Variants in BDKRB2 observed in about 807,000 individuals in gnomAD.
BDKRB2 encodes the protein bradykinin receptor B2, also known as B2 bradykinin receptor.
BDKRB2 carries 6 observed loss-of-function variants against 4.0 expected under a neutral mutation model. That is an observed-to-expected ratio of 1.49 (90% CI 0.81 to 2.93). The LOEUF (loss-of-function observed/expected upper bound fraction) is 2.93. BDKRB2 is among the 30% of genes most tolerant of loss of function. The pLI is 0.00. For synonymous variants in BDKRB2, 225 were observed against 215.3 expected, an observed-to-expected ratio of 1.05 and a Z score of -0.40; for missense variants, 478 against 520.1, an observed-to-expected ratio of 0.92 and a Z score of 0.79.
intron 1 of BDKRB2, among the ~76,000 whole-genome samples, chr14:96,229,775 A>T (rs1890775345): frequency 6.6e-6 from 1 of 152,182 alleles, no homozygotes. Flanking sequence ...GTCCTTGGAG[A>T]TCAGGGAGTA....
chr14:96,214,197 A>G (rs1476407551), intron 1 of BDKRB2, among the ~76,000 whole-genome samples: 1 of 152,174 alleles, frequency 6.6e-6, no homozygotes, highest in Non-Finnish European at 1.5e-5. Flanking sequence ...CATGAGGATG[A>G]GTACAGCCGC....
At chr14:96,233,662 G>A (rs889359724) in intron 1 of BDKRB2, 1 of 152,200 alleles carries the variant, frequency 6.6e-6, no homozygotes, top group Non-Finnish European at 1.5e-5. Context: ...ATGAGGCACA[G>A]TTGGCCCTTG....
At chr14:96,220,235 C>T (rs1890526399) in intron 1 of BDKRB2, among the ~76,000 whole-genome samples, 1 of 151,826 alleles carries the variant, frequency 6.6e-6, no homozygotes, top group Non-Finnish European at 1.5e-5. Context: ...GTTGTGTGGT[C>T]CTGGGCAAGT....
intron 1 of BDKRB2, among the ~76,000 whole-genome samples, chr14:96,213,787 C>A (rs1426179285): frequency 6.6e-6 from 1 of 152,062 alleles, no homozygotes; most frequent in Non-Finnish European, 1.5e-5. Context: ...AAGTATCCCC[C>A]CCGACAAACC....
intron 1 of BDKRB2, among the ~76,000 whole-genome samples, chr14:96,208,267 G>C (rs1293853980): frequency 6.6e-6 from 1 of 152,158 alleles, no homozygotes. Flanking sequence ...TTGTTTTCTA[G>C]AACAAACGTA....
rs199882421 is a variant in BDKRB2, at chr14:96,240,727, G to A, written c.399G>A (p.Val133=). The stretch of plus-strand genomic sequence containing the variant: ...TTGGGGAGACGCTCTGCCGCGTGGT[G>A]AATGCCATTATCTCCATGAACCTGT... ...WLFGETLCRV[V]NAIISMNLYS... is the part of the protein sequence containing the mutation. Residue 133 remains valine (V), a synonymous_variant, in exon 3 of 3, where the codon GTG becomes GTA. Coordinates refer to ENST00000554311, the MANE Select transcript of BDKRB2 (RefSeq NM_001379692.1). The A allele has an allele frequency of 1.9e-6, 3 of 1,599,766 alleles. No individual in the cohort carries two copies. The highest frequency in any genetic ancestry group is 1.7e-5 in the Admixed American group (1 of 58,094).
intron 1 of BDKRB2, among the ~76,000 whole-genome samples, chr14:96,219,967 C>T (rs910873874): frequency 6.6e-6 from 1 of 151,940 alleles, no homozygotes; most frequent in African/African-American, 2.4e-5. Context: ...AAGCCTAGAG[C>T]CAATTGCAGT....
intron 1 of BDKRB2, among the ~76,000 whole-genome samples, chr14:96,213,495 AACACACACACACAC>A (rs66460667): frequency 5.5e-5 from 8 of 146,754 alleles, no homozygotes; most frequent in East Asian, 2.1e-4. Context: ...GACCGACCCA[AACACACACACACAC>A]ACACACACAC....
intron 1 of BDKRB2, among the ~76,000 whole-genome samples, chr14:96,215,890 G>C (rs11851152): frequency 0.3 from 45,677 of 152,074 alleles, 7,575 homozygotes; most frequent in Non-Finnish European, 0.39. Flanking sequence ...AGGAAACTGA[G>C]ACTCAGAGAG....
Position 96,240,616 on chromosome 14 carries a change from G to C in BDKRB2, c.288G>C (p.Leu96=), listed in dbSNP as rs762749723. Residue 96 remains leucine (L), a synonymous_variant, in exon 3 of 3, where the codon CTG becomes CTC. Transcript: ENST00000554311. ...GCTGCACGGTGGCAGAGATCTACCT[G>C]GGGAACCTGGCCGCAGCAGACCTGA... ...KSSCTVAEIY[L]GNLAAADLIL... 6.5e-7 allele frequency: 1 copy of C among 1,549,240 alleles called. No individual in the cohort carries two copies. Among genetic ancestry groups the C allele is most frequent in the East Asian group, 2.3e-5 (1 of 44,370 alleles).
intron 1 of BDKRB2, among the ~76,000 whole-genome samples, chr14:96,211,306 C>T (rs568316330): frequency 2.0e-5 from 3 of 152,318 alleles, no homozygotes; most frequent in South Asian, 4.1e-4. Flanking sequence ...CCCGGAGCCT[C>T]GGAGATTGCA....
Position 96,241,768 on chromosome 14 carries a change from AG to A in BDKRB2, c.*265del. ...TCTTATTTGCTGCCACACCTGAGCC[AG>A]CCTGCTCCTTCCCAGGAGTGGAGGA... is the stretch of plus-strand genomic sequence containing the variant. On this transcript the variant is annotated 3_prime_UTR_variant, in exon 3 of 3. Coordinates refer to ENST00000554311, the MANE Select transcript of BDKRB2 (RefSeq NM_001379692.1). 2.7e-5 allele frequency: 10 copies of A among 364,522 alleles called. No individual in the cohort carries two copies. The highest frequency in any genetic ancestry group is 9.9e-5 in the South Asian group (1 of 10,078). The allele number at this position is 364,522 out of a possible 1,614,324, so 22.6% of individuals were successfully genotyped here. A position where few individuals can be genotyped will look rare whatever the true frequency, so the allele number is the denominator to read the frequency against.
chr14:96,227,878 G>C (rs903197806), intron 1 of BDKRB2, among the ~76,000 whole-genome samples: 11 of 152,200 alleles, frequency 7.2e-5, no homozygotes, highest in Non-Finnish European at 1.6e-4. Context: ...CAGAGCCCTG[G>C]GGGAGAGAAG....
rs1376096648 is a variant in BDKRB2 at position 96,242,310 on chromosome 14, C to T, written c.*806C>T. ...GGGGAGACCAAGGTTCCAGCTCAAC[C>T]AATAACTATTGCACAACCATCTGTC... On this transcript the variant is annotated 3_prime_UTR_variant, in exon 3 of 3. Coordinates refer to ENST00000554311, the MANE Select transcript of BDKRB2 (RefSeq NM_001379692.1). The T allele has an allele frequency of 6.6e-6, 1 of 152,216 alleles. No individual in the cohort carries two copies. The allele number at this position is 152,216 out of a possible 1,614,324, so 9.4% of individuals were successfully genotyped here. A position where few individuals can be genotyped will look rare whatever the true frequency, so the allele number is the denominator to read the frequency against.
intron 1 of BDKRB2, among the ~76,000 whole-genome samples, chr14:96,225,841 A>G (rs1595256113): frequency 1.3e-5 from 2 of 152,116 alleles, no homozygotes; most frequent in East Asian, 3.9e-4. Flanking sequence ...GTCACAGCCC[A>G]GGTTTGCACG....
chr14:96,244,087 C>A lies in BDKRB2; in HGVS notation c.*2583C>A, dbSNP rs963933344. 5 of 398,066 alleles carry A rather than the reference C, an allele frequency of 1.3e-5. No individual in the cohort carries two copies. Among genetic ancestry groups the A allele is most frequent in the African/African-American group, 1.0e-4 (5 of 48,628 alleles). The allele number at this position is 398,066 out of a possible 1,614,324, so 24.7% of individuals were successfully genotyped here. A position where few individuals can be genotyped will look rare whatever the true frequency, so the allele number is the denominator to read the frequency against. On this transcript the variant is annotated 3_prime_UTR_variant, in exon 3 of 3. Transcript: ENST00000554311. ...GAGCTGTTATGTTGTAAACAGGAAGCATTTCACATCCAAACGAGAAAATCA... is the reference window on the plus strand; with the variant it reads ...GAGCTGTTATGTTGTAAACAGGAAGAATTTCACATCCAAACGAGAAAATCA...
rs1890187170 is a variant in BDKRB2 at position 96,206,698 on chromosome 14, T to C, written c.-40+1739T>C. On this transcript the variant is annotated intron_variant, in intron 1 of 2. Coordinates refer to ENST00000554311, the MANE Select transcript of BDKRB2 (RefSeq NM_001379692.1). ...AAGTTTGGTGGCTCCAGAGGTAACA[T>C]TAGGGCGGCCTCCTCACCTGTGCTG... Among the ~76,000 whole-genome samples, 2 of 152,120 alleles carry C rather than the reference T, an allele frequency of 1.3e-5. 1 individual carries two copies. The highest frequency in any genetic ancestry group is 4.1e-4 in the South Asian group (2 of 4,826).
Position 96,241,333 on chromosome 14 carries a change from G to T in BDKRB2, c.1005G>T (p.Val335=). The T allele has an allele frequency of 6.2e-7, 1 of 1,614,010 alleles. No individual in the cohort carries two copies. The highest frequency in any genetic ancestry group is 8.5e-7 in the Non-Finnish European group (1 of 1,179,936). Residue 335 remains valine (V), a synonymous_variant, in exon 3 of 3, where the codon GTG becomes GTT. Transcript: ENST00000554311. The stretch of plus-strand genomic sequence containing the variant: ...TCAACCCACTGGTGTACGTGATCGT[G>T]GGCAAGCGCTTCCGAAAGAAGTCTT... ...SCLNPLVYVI[V]GKRFRKKSWE...
chr14:96,240,453 T>G lies in BDKRB2; in HGVS notation c.125T>G (p.Phe42Cys). ...TLQGPTLNGT[F>C]AQSKCPQVEW... ...CAAGGGCCCACTCTTAACGGGACCT[T>G]TGCCCAGAGCAAATGCCCCCAAGTG... is the stretch of plus-strand genomic sequence containing the variant. The change falls in exon 3 of 3, where the codon TTT becomes TGT. Residue 42 changes from phenylalanine to cysteine, a missense_variant. Physicochemically the swap from Phe to Cys is radical, Grantham distance 205 (BLOSUM62 -2). Coordinates refer to ENST00000554311, the MANE Select transcript of BDKRB2 (RefSeq NM_001379692.1). 6.6e-7 allele frequency: 1 copy of G among 1,507,236 alleles called. No individual in the cohort carries two copies. Among genetic ancestry groups the G allele is most frequent in the Non-Finnish European group, 8.9e-7 (1 of 1,129,378 alleles). 93.4% of individuals were successfully genotyped at this position (1,507,236 alleles called of 1,614,324 possible). A position where few individuals can be genotyped will look rare whatever the true frequency, so the allele number is the denominator to read the frequency against.
Sources: gnomAD v4.1 joint callset for allele counts (sites outside exome capture counted in the v4.1 genomes callset) on GRCh38, gnomAD v4.1.1 for gene constraint, MANE v1.5 for transcripts, NCBI Gene and HGNC (gene_info 2026-07-23, HGNC 2026-07-21) for gene names.